Variants in TAB1 observed in about 807,000 individuals in gnomAD.
The protein encoded by TAB1 is TGF-beta activated kinase 1 (MAP3K7) binding protein 1.
A neutral mutation model predicts 54.5 loss-of-function variants in TAB1; 30 were observed. That is an observed-to-expected ratio of 0.55 (90% CI 0.41 to 0.75). The LOEUF (loss-of-function observed/expected upper bound fraction) is 0.75. TAB1 is among the 30% of genes least tolerant of loss of function. The pLI is 0.00. For missense variants in TAB1, 609 were observed against 683.2 expected (o/e 0.89, Z 1.21); for synonymous variants, 289 against 286.9 (o/e 1.01, Z -0.07).
At chr22:39,416,929 A>G in intron 4 of TAB1, 52 bp downstream of exon 4, 1 of 1,564,490 alleles carries the variant, frequency 6.4e-7, no homozygotes, top group Non-Finnish European at 8.8e-7. Flanking sequence ...CCAGCTTTGC[A>G]AGGAGCATGG....
At chr22:39,421,351 T>C (rs545085741) in intron 7 of TAB1, among the ~76,000 whole-genome samples, 16 of 152,278 alleles carry the variant, frequency 1.1e-4, no homozygotes, top group Admixed American at 2.0e-4. Context: ...TGTACTTACC[T>C]CCATGTGCAC....
At chr22:39,412,012 T>C (rs1043616579) in intron 1 of TAB1, among the ~76,000 whole-genome samples, 5 of 151,998 alleles carry the variant, frequency 3.3e-5, no homozygotes, top group South Asian at 4.2e-4. Context: ...ATTTCATTTA[T>C]GTGACATTGT....
chr22:39,404,233 C>A (rs1926268614), intron 1 of TAB1, among the ~76,000 whole-genome samples: 1 of 152,150 alleles, frequency 6.6e-6, no homozygotes, highest in Non-Finnish European at 1.5e-5. Context: ...AAGAGGGGCA[C>A]CCTGGGGCAG....
At chr22:39,417,608 G>A (rs1395082075) in intron 4 of TAB1, 103 bp from the exon 5 acceptor site, 16 of 1,232,330 alleles carry the variant, frequency 1.3e-5, no homozygotes, top group African/African-American at 9.3e-5. Flanking sequence ...GGGACACAGC[G>A]AGACTCCATC....
chr22:39,412,707 G>A (rs1267945758), intron 1 of TAB1, among the ~76,000 whole-genome samples: 1 of 152,006 alleles, frequency 6.6e-6, no homozygotes, highest in African/African-American at 2.4e-5. Flanking sequence ...CTAACCACAG[G>A]CTTTTTATAT....
At position 39,399,786 on chromosome 22, in the gene TAB1, G is replaced by A; in HGVS notation, c.-17G>A. 8 of 1,583,856 alleles carry A rather than the reference G, an allele frequency of 5.1e-6. No individual in the cohort carries two copies. Among genetic ancestry groups the A allele is most frequent in the Non-Finnish European group, 6.9e-6 (8 of 1,165,488 alleles). ...GCTCTGCGGGGAGGCGGGCGCTCCC[G>A]CAGGGGTTCCTCCAAGATGGCGGCG... On this transcript the variant is annotated 5_prime_UTR_variant, in exon 1 of 11. Transcript: ENST00000216160.
Position 39,399,787 on chromosome 22 carries a change from C to T in TAB1, c.-16C>T, listed in dbSNP as rs1213815588. 1.9e-6 allele frequency: 3 copies of T among 1,585,416 alleles called. No homozygotes were observed. The highest frequency in any genetic ancestry group is 1.3e-5 in the African/African-American group (1 of 74,452). ...CTCTGCGGGGAGGCGGGCGCTCCCG[C>T]AGGGGTTCCTCCAAGATGGCGGCGC... On this transcript the variant is annotated 5_prime_UTR_variant, in exon 1 of 11. Coordinates refer to ENST00000216160, the MANE Select transcript of TAB1 (RefSeq NM_006116.3).
intron 6 of TAB1, among the ~76,000 whole-genome samples, chr22:39,419,285 C>T (rs1379328175): frequency 1.3e-5 from 2 of 152,154 alleles, no homozygotes; most frequent in Non-Finnish European, 2.9e-5. Flanking sequence ...CAAGCTGCTC[C>T]GTGCCAGGTG....
intron 1 of TAB1, among the ~76,000 whole-genome samples, chr22:39,409,315 CTT>C (rs1202677123): frequency 1.3e-5 from 2 of 152,168 alleles, no homozygotes; most frequent in African/African-American, 4.8e-5. Context: ...TTATAGGAGA[CTT>C]TTGTGAGCTC....
intron 1 of TAB1, among the ~76,000 whole-genome samples, chr22:39,414,147 C>T (rs1425121213): frequency 1.3e-5 from 2 of 152,128 alleles, no homozygotes; most frequent in East Asian, 1.9e-4. Flanking sequence ...ATGAGAGGGC[C>T]ATCAGCCAGT....
intron 4 of TAB1, among the ~76,000 whole-genome samples, chr22:39,417,328 G>A (rs1171253332): frequency 6.6e-6 from 1 of 152,214 alleles, no homozygotes; most frequent in Non-Finnish European, 1.5e-5. Flanking sequence ...TTGCTCTTAA[G>A]AGCAAAGGGA....
In TAB1 at chr22:39,419,563, C is replaced by T. The variant is rs1435629352; in HGVS notation, c.709C>T (p.Gln237Ter). Residue 237 changes from glutamine to a stop codon, truncating the protein, a stop_gained, in exon 7 of 11, where the codon CAG becomes TAG. Transcript: ENST00000216160. LOFTEE classifies it high-confidence loss of function. ...CAAGCAGGTGGGGATCATCTGTGGG[C>T]AGGAGAGCACCCGGCGGATCGGGGA... Reference protein sequence around the residue: ...KIKQVGIICGQESTRRIGDYK... With the variant: ...KIKQVGIICG 1 of 1,613,070 alleles carries T rather than the reference C, an allele frequency of 6.2e-7. No individual in the cohort carries two copies. The highest frequency in any genetic ancestry group is 2.2e-5 in the East Asian group (1 of 44,858).
chr22:39,408,265 G>T (rs1024035930), intron 1 of TAB1, among the ~76,000 whole-genome samples: 2 of 152,298 alleles, frequency 1.3e-5, no homozygotes, highest in South Asian at 2.1e-4. Flanking sequence ...ATTGATTGCC[G>T]TCAGACACAC....
chr22:39,436,451 T>C, downstream of TAB1: 2 of 1,547,098 alleles, frequency 1.3e-6, no homozygotes, highest in Non-Finnish European at 1.8e-6. Flanking sequence ...AACTCTGGAC[T>C]TTTCTTCATG....
intron 1 of TAB1, among the ~76,000 whole-genome samples, chr22:39,406,407 A>C (rs1166731017): frequency 6.6e-6 from 1 of 151,660 alleles, no homozygotes; most frequent in East Asian, 1.9e-4. Flanking sequence ...CAAAAAAAAA[A>C]AAAAAAAAAA....
At chr22:39,424,737 T>G (rs1193830142) in intron 8 of TAB1, among the ~76,000 whole-genome samples, 1 of 152,172 alleles carries the variant, frequency 6.6e-6, no homozygotes, top group African/African-American at 2.4e-5. Flanking sequence ...CATGAGCCAC[T>G]GCGCCCAGCC....
rs887653393 is a variant in TAB1, at chr22:39,429,774, G to A, written c.1308-241G>A. On this transcript the variant is annotated intron_variant, in intron 10 of 10. Transcript: ENST00000216160. ...TGGGATTACAGGCATGAGCCACCGCGCCCAGCCCCATTTTCTTTACCTTTA... is the reference window on the plus strand; with the variant it reads ...TGGGATTACAGGCATGAGCCACCGCACCCAGCCCCATTTTCTTTACCTTTA... 1.0e-5 allele frequency: 10 copies of A among 974,918 alleles called. No homozygotes were observed. In the Admixed American group the frequency reaches 4.9e-4, roughly 48 times the overall value. The allele number at this position is 974,918 out of a possible 1,614,324, so 60.4% of individuals were successfully genotyped here.
At chr22:39,418,959 G>T (rs6001586) in intron 6 of TAB1, 114 bp downstream of exon 6, 2 of 810,766 alleles carry the variant, frequency 2.5e-6, no homozygotes, top group Non-Finnish European at 4.1e-6. Flanking sequence ...GGGCTCCCCA[G>T]CCAGCCTGCC....
At chr22:39,424,402 G>A (rs1032106145) in intron 8 of TAB1, among the ~76,000 whole-genome samples, 25 of 148,904 alleles carry the variant, frequency 1.7e-4, no homozygotes, top group Non-Finnish European at 3.6e-4. Flanking sequence ...AAAGTCTCAA[G>A]TGCCTAACTA....
Sources: allele counts gnomAD v4.1 joint callset (sites outside exome capture counted in the v4.1 genomes callset), GRCh38; gene constraint gnomAD v4.1.1; transcripts MANE v1.5; gene names NCBI Gene and HGNC (gene_info 2026-07-23, HGNC 2026-07-21).